The following CADPS2 variants were observed in gnomAD, a reference collection of about 807,000 sequenced individuals.
CADPS2 encodes calcium dependent secretion activator 2.
Under a neutral mutation model 172.5 loss-of-function variants are expected in CADPS2, and 93 were observed. That is an observed-to-expected ratio of 0.54 (90% CI 0.46 to 0.64). The LOEUF (loss-of-function observed/expected upper bound fraction) is 0.64. Ranked by LOEUF, CADPS2 falls within the 30% of genes least tolerant of loss-of-function variation. The pLI is 0.00. For missense variants in CADPS2, 1,420 were observed against 1,565.9 expected, an observed-to-expected ratio of 0.91 and a Z score of 1.57; for synonymous variants, 546 against 555.2, an observed-to-expected ratio of 0.98 and a Z score of 0.23.
In CADPS2 at chr7:122,645,658, G is replaced by GATATATATATATAT. The variant is rs71161314; in HGVS notation, c.787-16344_787-16331dup. ...TACTCTAAGATACATATATCTCTAA[G>GATATATATATATAT]ATATATATATATATATATATATATC... On this transcript the variant is annotated intron_variant, in intron 3 of 29. Coordinates refer to ENST00000449022, the MANE Select transcript of CADPS2 (RefSeq NM_017954.11). 5.2e-3 allele frequency among the ~76,000 whole-genome samples: 553 copies of GATATATATATATAT among 106,564 alleles called. 2 individuals are homozygous for GATATATATATATAT. Among genetic ancestry groups the GATATATATATATAT allele is most frequent in the Admixed American group, 9.4e-3 (90 of 9,576 alleles). The allele number at this position is 106,564 out of a possible 152,430, so 69.9% of individuals were successfully genotyped here.
chr7:122,876,642 T>C (rs1038208483), intron 1 of CADPS2, among the ~76,000 whole-genome samples: 1 of 152,124 alleles, frequency 6.6e-6, no homozygotes, highest in African/African-American at 2.4e-5. Context: ...GGATTACATG[T>C]ATTAGCCACT....
At chr7:122,650,054 G>A (rs10250037) in intron 3 of CADPS2, among the ~76,000 whole-genome samples, 1,597 of 150,616 alleles carry the variant, frequency 0.011, 27 homozygotes, top group African/African-American at 0.036. Context: ...GATTACATGC[G>A]CGTGCCACCA....
chr7:122,549,180 T>C (rs1226200847), intron 8 of CADPS2, among the ~76,000 whole-genome samples: 2 of 152,130 alleles, frequency 1.3e-5, no homozygotes, highest in East Asian at 3.9e-4. Context: ...GAGGATCGCT[T>C]GAGTGCAGTA....
chr7:122,495,696 G>C (rs1210395641), intron 9 of CADPS2, among the ~76,000 whole-genome samples: 1 of 152,122 alleles, frequency 6.6e-6, no homozygotes, highest in Admixed American at 6.5e-5. Flanking sequence ...GTTGTTGGGT[G>C]CACAGATCTT....
intron 8 of CADPS2, among the ~76,000 whole-genome samples, chr7:122,515,965 TAATC>T (rs1339374349): frequency 6.6e-6 from 1 of 152,060 alleles, no homozygotes; most frequent in African/African-American, 2.4e-5. Context: ...AAAAGAATAA[TAATC>T]AGCTGCAACA....
chr7:122,388,809 T>C (rs1267639983), intron 22 of CADPS2, 71 bp from the exon 23 acceptor site: 7 of 1,337,520 alleles, frequency 5.2e-6, no homozygotes, highest in African/African-American at 4.4e-5. Context: ...ACATTGTTTT[T>C]TCTTTTCTGC....
At chr7:122,787,017 C>T (rs539171907) in intron 1 of CADPS2, among the ~76,000 whole-genome samples, 2 of 152,228 alleles carry the variant, frequency 1.3e-5, no homozygotes, top group Non-Finnish European at 2.9e-5. Context: ...ATTTAAGAAA[C>T]GAACCTTGTA....
intron 2 of CADPS2, among the ~76,000 whole-genome samples, chr7:122,708,442 GTATATATATATGTGTGTGGATA>G (rs1293245403): frequency 9.0e-6 from 1 of 110,926 alleles, no homozygotes; most frequent in African/African-American, 3.2e-5. Context: ...ATATGTGTGT[GTATATATATATGTGTGTGGATA>G]TATATATATA....
At chr7:122,851,476 T>C (rs1006010147) in intron 1 of CADPS2, among the ~76,000 whole-genome samples, 1 of 152,186 alleles carries the variant, frequency 6.6e-6, no homozygotes, top group African/African-American at 2.4e-5. Context: ...GGTGCATTCT[T>C]CCTTGTTGCA....
intron 25 of CADPS2, among the ~76,000 whole-genome samples, chr7:122,365,595 G>C (rs1003453576): frequency 2.6e-5 from 4 of 152,200 alleles, no homozygotes; most frequent in African/African-American, 9.7e-5. Flanking sequence ...AGCTCAGGGA[G>C]TATATAAACA....
At chr7:122,537,536 C>A (rs1247376164) in intron 8 of CADPS2, among the ~76,000 whole-genome samples, 1 of 151,572 alleles carries the variant, frequency 6.6e-6, no homozygotes, top group Non-Finnish European at 1.5e-5. Context: ...AAAAACTTTT[C>A]CTTGAGTAAT....
intron 2 of CADPS2, among the ~76,000 whole-genome samples, chr7:122,732,715 T>G (rs952555627): frequency 1.4e-5 from 2 of 144,296 alleles, no homozygotes; most frequent in African/African-American, 5.0e-5. Context: ...TATATATAAT[T>G]ATATATTACA....
At chr7:122,750,176 C>T (rs2092891828) in intron 1 of CADPS2, among the ~76,000 whole-genome samples, 1 of 152,090 alleles carries the variant, frequency 6.6e-6, no homozygotes, top group African/African-American at 2.4e-5. Flanking sequence ...TGAGTCTCAA[C>T]AGTATGCCAT....
chr7:122,749,976 A>G (rs2092881919), intron 1 of CADPS2, among the ~76,000 whole-genome samples: 1 of 151,496 alleles, frequency 6.6e-6, no homozygotes, highest in Non-Finnish European at 1.5e-5. Context: ...AAAAAAAAAA[A>G]GAAAAAGAGA....
intron 25 of CADPS2, among the ~76,000 whole-genome samples, chr7:122,374,093 G>C (rs1283629866): frequency 6.6e-6 from 1 of 152,146 alleles, no homozygotes; most frequent in Non-Finnish European, 1.5e-5. Context: ...AAGGATGTTT[G>C]AATATAAGCA....
chr7:122,836,753 T>C (rs1466077705), intron 1 of CADPS2, among the ~76,000 whole-genome samples: 1 of 152,146 alleles, frequency 6.6e-6, no homozygotes, highest in Non-Finnish European at 1.5e-5. Flanking sequence ...ATGCACCCAA[T>C]ACAGGAGCAC....
intron 1 of CADPS2, among the ~76,000 whole-genome samples, chr7:122,752,935 A>T (rs578167940): frequency 5.9e-4 from 90 of 152,300 alleles, no homozygotes; most frequent in African/African-American, 1.9e-3. Flanking sequence ...TGTAGAAAGG[A>T]AGGAAACAAG....
At chr7:122,545,387 A>G (rs2063520238) in intron 8 of CADPS2, among the ~76,000 whole-genome samples, 1 of 152,124 alleles carries the variant, frequency 6.6e-6, no homozygotes, top group Non-Finnish European at 1.5e-5. Flanking sequence ...AATAGATTTG[A>G]GCAAATAAAA....
intron 27 of CADPS2, 124 bp downstream of exon 27, chr7:122,360,664 G>A (rs2040005929): frequency 4.8e-6 from 4 of 831,980 alleles, no homozygotes; most frequent in Non-Finnish European, 7.5e-6. Context: ...GCTTGCTTAA[G>A]GAAAATAAAC....
Sources: gnomAD v4.1 joint callset for allele counts (sites outside exome capture counted in the v4.1 genomes callset) on GRCh38, gnomAD v4.1.1 for gene constraint, MANE v1.5 for transcripts, NCBI Gene and HGNC (gene_info 2026-07-23, HGNC 2026-07-21) for gene names.